The following TNFRSF10B variants were observed in gnomAD, a reference collection of about 807,000 sequenced individuals.
The protein encoded by TNFRSF10B is tumor necrosis factor receptor superfamily member 10B.
A neutral mutation model predicts 41.4 loss-of-function variants in TNFRSF10B; 35 were observed. The observed-to-expected ratio is 0.85, with a 90% CI of 0.65 to 1.12. The LOEUF (loss-of-function observed/expected upper bound fraction) is 1.12, where lower values mean the gene tolerates loss of function less well. Among genes scored for constraint, TNFRSF10B ranks in the 50% most tolerant of loss-of-function variants. The pLI is 0.00. For synonymous variants in TNFRSF10B, 230 were observed against 215.5 expected (o/e 1.07, Z -0.59); for missense variants, 584 against 552.7 (o/e 1.06, Z -0.57).
rs1350503556 is a variant in TNFRSF10B, at chr8:23,022,319, G to A, written c.*352C>T. 2 of 464,636 alleles carry A rather than the reference G, an allele frequency of 4.3e-6. No homozygotes were observed. The highest frequency in any genetic ancestry group is 2.0e-5 in the African/African-American group (1 of 50,482). 28.8% of individuals were successfully genotyped at this position (464,636 alleles called of 1,614,324 possible). On this transcript the variant is annotated 3_prime_UTR_variant, in exon 9 of 9. Coordinates refer to ENST00000276431, the MANE Select transcript of TNFRSF10B (RefSeq NM_003842.5). ...TCAAGTGAAGTCGGACAACGACTGT[G>A]TAGATGGATCTTACAATGTAGCCCA...
At chr8:23,066,058 G>C (rs549104733) in intron 1 of TNFRSF10B, among the ~76,000 whole-genome samples, 1 of 152,328 alleles carries the variant, frequency 6.6e-6, no homozygotes, top group South Asian at 2.1e-4. Flanking sequence ...CAAGGTGGGA[G>C]GATTCCTTGA....
At chr8:23,062,255 C>G (rs1484589730) in intron 1 of TNFRSF10B, among the ~76,000 whole-genome samples, 1 of 152,116 alleles carries the variant, frequency 6.6e-6, no homozygotes, top group Admixed American at 6.5e-5. Flanking sequence ...GAGTCTCACT[C>G]TGTTGCCCAG....
chr8:23,064,628 C>G (rs547098706), intron 1 of TNFRSF10B, among the ~76,000 whole-genome samples: 1 of 152,182 alleles, frequency 6.6e-6, no homozygotes, highest in South Asian at 2.1e-4. Flanking sequence ...GAGCCATTGG[C>G]GGGGTTTCCC....
intron 8 of TNFRSF10B, among the ~76,000 whole-genome samples, chr8:23,023,907 A>G (rs6557608): frequency 0.87 from 132,713 of 152,090 alleles, 58,233 homozygotes; most frequent in East Asian, 0.98. Flanking sequence ...GGAGGTCCTC[A>G]GGGGCAGGCG....
rs1338812935 is a variant in TNFRSF10B at position 23,027,256 on chromosome 8, G to A, written c.813C>T (p.Val271=). The A allele has an allele frequency of 3.1e-6, 5 of 1,614,162 alleles. No individual in the cohort carries two copies. In the African/African-American group the frequency reaches 6.7e-5, roughly 22 times the overall value. ...GCAAGATACTCACGATCTCATTGAG[G>A]ACATTGTCCTCAGCCCCAGGTCGTT... ...SSQRPGAEDN[V]LNEIVSILQP... is the part of the protein sequence containing the mutation. The change falls in exon 7 of 9, where the codon GTC becomes GTT. Residue 271 remains valine, a synonymous_variant. Coordinates refer to ENST00000276431, the MANE Select transcript of TNFRSF10B (RefSeq NM_003842.5).
At chr8:23,033,819 G>A (rs1299079947) in intron 2 of TNFRSF10B, among the ~76,000 whole-genome samples, 2 of 151,968 alleles carry the variant, frequency 1.3e-5, no homozygotes, top group Non-Finnish European at 2.9e-5. Context: ...GGGAGAGAGA[G>A]AGCGAGCAAG....
intron 2 of TNFRSF10B, among the ~76,000 whole-genome samples, chr8:23,037,849 G>C (rs946934348): frequency 2.6e-4 from 40 of 152,282 alleles, no homozygotes; most frequent in African/African-American, 8.9e-4. Flanking sequence ...CATGTGTCCA[G>C]GAATCTAGGG....
rs116727079 is a variant in TNFRSF10B, at chr8:23,037,135, A to T, written c.250+6003T>A. On this transcript the variant is annotated intron_variant, in intron 2 of 8. Coordinates refer to ENST00000276431, the MANE Select transcript of TNFRSF10B (RefSeq NM_003842.5). ...ATCTTAGCAGGGAAGGATTTTAATA[A>T]TCAGGTGGATAGGATGACCTGTTCT... Among the ~76,000 whole-genome samples the T allele has an allele frequency of 3.7e-3, 565 of 152,320 alleles. 2 individuals are homozygous for T. Among genetic ancestry groups the T allele is most frequent in the African/African-American group, 0.013 (532 of 41,568 alleles).
chr8:23,058,685 G>T (rs114669211), intron 1 of TNFRSF10B, among the ~76,000 whole-genome samples: 1 of 151,962 alleles, frequency 6.6e-6, no homozygotes, highest in Non-Finnish European at 1.5e-5. Flanking sequence ...GGGTTTCTCC[G>T]TGTTGGTTAG....
At chr8:23,057,117 G>A (rs971221574) in intron 1 of TNFRSF10B, among the ~76,000 whole-genome samples, 1 of 146,986 alleles carries the variant, frequency 6.8e-6, no homozygotes, top group African/African-American at 2.6e-5. Flanking sequence ...TTGGCTCACT[G>A]CAAGCTCTGC....
intron 1 of TNFRSF10B, among the ~76,000 whole-genome samples, chr8:23,064,710 T>A (rs1812933200): frequency 6.6e-6 from 1 of 152,212 alleles, no homozygotes; most frequent in Admixed American, 6.5e-5. Context: ...AACCTGCTAA[T>A]ATTTCTCGTC....
chr8:23,068,722 C>G, intron 1 of TNFRSF10B, 29 bp downstream of exon 1: 1 of 1,555,404 alleles, frequency 6.4e-7, no homozygotes, highest in South Asian at 1.2e-5. Flanking sequence ...CACGCTCTTC[C>G]CCAGCCAGGG....
In TNFRSF10B at chr8:23,028,578, G is replaced by T; in HGVS notation, c.501C>A (p.Val167=). Residue 167 remains valine (V), a synonymous_variant, in exon 5 of 9, where the codon GTC becomes GTA. Transcript: ENST00000276431. The part of the protein sequence containing the change: ...RTGCPRGMVK[V]GDCTPWSDIE... ...TGTCACTCCAGGGTGTACAATCACC[G>T]ACCTTGACCATCCCTCTGGGACACC... 1 of 1,614,074 alleles carries T rather than the reference G, an allele frequency of 6.2e-7. No homozygotes were observed. Among genetic ancestry groups the T allele is most frequent in the Admixed American group, 1.7e-5 (1 of 60,024 alleles).
Position 23,022,315 on chromosome 8 carries a change from CTG to C in TNFRSF10B, c.*354_*355del. 1 of 462,776 alleles carries C rather than the reference CTG, an allele frequency of 2.2e-6. No individual in the cohort carries two copies. The highest frequency in any genetic ancestry group is 4.3e-6 in the Non-Finnish European group (1 of 232,946). The allele number at this position is 462,776 out of a possible 1,614,324, so 28.7% of individuals were successfully genotyped here. ...AGTATCAAGTGAAGTCGGACAACGA[CTG>C]TGTAGATGGATCTTACAATGTAGCC... On this transcript the variant is annotated 3_prime_UTR_variant, in exon 9 of 9. Coordinates refer to ENST00000276431, the MANE Select transcript of TNFRSF10B (RefSeq NM_003842.5).
chr8:23,027,028 C>T (rs1811722910), intron 7 of TNFRSF10B, 105 bp downstream of exon 7: 2 of 1,568,260 alleles, frequency 1.3e-6, no homozygotes, highest in Non-Finnish European at 1.7e-6. Context: ...CTTCAGGTTC[C>T]ATTTCCCCTG....
In TNFRSF10B at chr8:23,021,508, CA is replaced by C. The variant is rs759007738; in HGVS notation, c.*1162del. On this transcript the variant is annotated 3_prime_UTR_variant, in exon 9 of 9. Transcript: ENST00000276431. ...TTGTCTTCTATCTCCTGAGCCCAAA[CA>C]GGGCTCAAGTTCACTTGGGATATGA... 60 of 454,154 alleles carry C rather than the reference CA, an allele frequency of 1.3e-4. No homozygotes were observed. Among genetic ancestry groups the C allele is most frequent in the South Asian group, 9.3e-4 (60 of 64,478 alleles). The allele number at this position is 454,154 out of a possible 1,614,324, so 28.1% of individuals were successfully genotyped here.
At chr8:23,052,707 G>C (rs1207986264) in intron 1 of TNFRSF10B, among the ~76,000 whole-genome samples, 1 of 152,218 alleles carries the variant, frequency 6.6e-6, no homozygotes, top group Non-Finnish European at 1.5e-5. Context: ...GAATTTTAAA[G>C]ATTATTGGTA....
At chr8:23,052,927 CAAG>C (rs1812566092) in intron 1 of TNFRSF10B, among the ~76,000 whole-genome samples, 1 of 152,124 alleles carries the variant, frequency 6.6e-6, no homozygotes, top group Non-Finnish European at 1.5e-5. Context: ...AGAATTTATA[CAAG>C]AAGGGCTCCT....
chr8:23,033,807 G>A (rs78814076), intron 2 of TNFRSF10B, among the ~76,000 whole-genome samples: 20,976 of 151,880 alleles, frequency 0.14, 1,782 homozygotes, highest in Non-Finnish European at 0.18. Context: ...CCAGAAGAGG[G>A]GGGGAGAGAG....
Sources: gnomAD v4.1 joint callset for allele counts (sites outside exome capture counted in the v4.1 genomes callset) on GRCh38, gnomAD v4.1.1 for gene constraint, MANE v1.5 for transcripts, NCBI Gene and HGNC (gene_info 2026-07-23, HGNC 2026-07-21) for gene names.